Variants in SYN2 observed in about 807,000 individuals in gnomAD.
SYN2 encodes synapsin II.
A neutral mutation model predicts 50.9 loss-of-function variants in SYN2; 19 were observed. That is an observed-to-expected ratio of 0.37 (90% CI 0.26 to 0.55). The LOEUF is 0.55. Ranked by LOEUF, SYN2 falls within the 20% of genes least tolerant of loss-of-function variation. The pLI, the probability that SYN2 is intolerant of heterozygous loss-of-function variation, is 0.81. For missense variants in SYN2, 587 were observed against 576.4 expected (o/e 1.02, Z -0.19); for synonymous variants, 255 against 224.9 (o/e 1.13, Z -1.20).
At chr3:12,038,387 C>CT (rs940118977) in intron 1 of SYN2, among the ~76,000 whole-genome samples, 4 of 151,676 alleles carry the variant, frequency 2.6e-5, no homozygotes, top group African/African-American at 4.8e-5. Flanking sequence ...TAAAAAAAAA[C>CT]TTTTTTTTGG....
intron 1 of SYN2, among the ~76,000 whole-genome samples, chr3:12,055,656 T>C (rs954022455): frequency 4.6e-5 from 7 of 152,144 alleles, no homozygotes; most frequent in African/African-American, 1.4e-4. Context: ...TGCTTTGTGG[T>C]TTTTAAAGGC....
intron 5 of SYN2, chr3:12,156,971 A>T: frequency 6.8e-7 from 1 of 1,467,108 alleles, no homozygotes; most frequent in Non-Finnish European, 9.6e-7. Flanking sequence ...ATATTGGGTC[A>T]GTGAGTGTAC....
intron 1 of SYN2, among the ~76,000 whole-genome samples, chr3:12,120,812 C>T (rs1433894546): frequency 1.3e-5 from 2 of 152,110 alleles, no homozygotes; most frequent in African/African-American, 2.4e-5. Context: ...CTTCATGTGT[C>T]CTATATTTTC....
Position 12,177,424 on chromosome 3 carries a change from G to A in SYN2, c.1309-5888G>A, listed in dbSNP as rs555840749. Reference sequence around the variant, plus strand: ...GAAAGCCAAAAGATTAGCCACCCGTGTTCTAAAATATGAGGTCTCCTGAGT... The same window carrying A: ...GAAAGCCAAAAGATTAGCCACCCGTATTCTAAAATATGAGGTCTCCTGAGT... On this transcript the variant is annotated intron_variant, in intron 10 of 12. Transcript: ENST00000621198. Among the ~76,000 whole-genome samples, 7 of 152,274 alleles carry A rather than the reference G, an allele frequency of 4.6e-5. No homozygotes were observed. The South Asian group carries it at 1.2e-3, about 27-fold the overall frequency.
chr3:12,054,855 C>T (rs901716323), intron 1 of SYN2, among the ~76,000 whole-genome samples: 1 of 151,918 alleles, frequency 6.6e-6, no homozygotes, highest in African/African-American at 2.4e-5. Flanking sequence ...AATTATTAAC[C>T]CATACATTTG....
intron 1 of SYN2, among the ~76,000 whole-genome samples, chr3:12,115,788 C>T (rs188204610): frequency 6.6e-6 from 1 of 152,250 alleles, no homozygotes; most frequent in Non-Finnish European, 1.5e-5. Context: ...TCCCCCAGCA[C>T]TCAGTACACT....
intron 1 of SYN2, among the ~76,000 whole-genome samples, chr3:12,116,010 T>C (rs1696426906): frequency 6.6e-6 from 1 of 152,156 alleles, no homozygotes; most frequent in Admixed American, 6.6e-5. Context: ...GTCAAGACTG[T>C]CAGAGCCCTG....
chr3:12,135,995 G>T (rs1363763459), intron 1 of SYN2, among the ~76,000 whole-genome samples: 1 of 152,184 alleles, frequency 6.6e-6, no homozygotes, highest in African/African-American at 2.4e-5. Context: ...GATCATCCCT[G>T]CTCTGAAGCA....
chr3:12,102,120 G>C (rs1020038520), intron 1 of SYN2, among the ~76,000 whole-genome samples: 3 of 152,108 alleles, frequency 2.0e-5, no homozygotes, highest in Non-Finnish European at 2.9e-5. Context: ...AGCAGAATTT[G>C]GTGCATGAAA....
intron 1 of SYN2, among the ~76,000 whole-genome samples, chr3:12,122,259 T>A (rs898392665): frequency 4.6e-5 from 7 of 152,226 alleles, no homozygotes; most frequent in Admixed American, 2.6e-4. Context: ...TTTTCTTTTT[T>A]TTCCCAGAAG....
chr3:12,158,941 T>C, intron 5 of SYN2: 1 of 1,414,600 alleles, frequency 7.1e-7, no homozygotes. Flanking sequence ...CCAGGCTTTA[T>C]GAGGTGGCCC....
intron 1 of SYN2, among the ~76,000 whole-genome samples, chr3:12,045,374 A>G (rs1482703632): frequency 4.6e-5 from 7 of 152,230 alleles, no homozygotes; most frequent in Non-Finnish European, 8.8e-5. Flanking sequence ...TTTTGTTTGT[A>G]AAATGTAGAA....
intron 1 of SYN2, among the ~76,000 whole-genome samples, chr3:12,136,779 A>T (rs976906346): frequency 6.6e-6 from 1 of 152,230 alleles, no homozygotes; most frequent in Non-Finnish European, 1.5e-5. Flanking sequence ...TTAAACTTAC[A>T]TAGATCCTCA....
intron 1 of SYN2, among the ~76,000 whole-genome samples, chr3:12,077,226 C>A (rs1488456296): frequency 1.3e-5 from 2 of 151,832 alleles, no homozygotes; most frequent in African/African-American, 4.8e-5. Context: ...GTTTCACTCC[C>A]AAGAAAATTC....
At chr3:12,058,812 A>G (rs1226865699) in intron 1 of SYN2, among the ~76,000 whole-genome samples, 1 of 152,200 alleles carries the variant, frequency 6.6e-6, no homozygotes, top group Non-Finnish European at 1.5e-5. Flanking sequence ...TACCTTTATC[A>G]TTCCCTCTTT....
intron 1 of SYN2, among the ~76,000 whole-genome samples, chr3:12,019,234 A>G (rs1694080026): frequency 6.6e-6 from 1 of 152,200 alleles, no homozygotes; most frequent in African/African-American, 2.4e-5. Flanking sequence ...AAGACTGAAA[A>G]TGTGAAATCA....
intron 1 of SYN2, among the ~76,000 whole-genome samples, chr3:12,086,307 A>G (rs538416427): frequency 6.6e-6 from 1 of 152,250 alleles, no homozygotes; most frequent in South Asian, 2.1e-4. Flanking sequence ...ACTAATACCA[A>G]TCCTTCTCAA....
At chr3:12,086,757 T>TA (rs1449433984) in intron 1 of SYN2, among the ~76,000 whole-genome samples, 2 of 152,156 alleles carry the variant, frequency 1.3e-5, no homozygotes, top group African/African-American at 2.4e-5. Context: ...ACAGCTGACA[T>TA]ACTAAATGGT....
At chr3:12,129,669 AT>A (rs1696749295) in intron 1 of SYN2, among the ~76,000 whole-genome samples, 1 of 152,010 alleles carries the variant, frequency 6.6e-6, no homozygotes, top group South Asian at 2.1e-4. Flanking sequence ...AACATATGGT[AT>A]TGTGTATTTT....
Sources: gnomAD v4.1 joint callset for allele counts (sites outside exome capture counted in the v4.1 genomes callset) on GRCh38, gnomAD v4.1.1 for gene constraint, MANE v1.5 for transcripts, NCBI Gene and HGNC (gene_info 2026-07-23, HGNC 2026-07-21) for gene names.